GPC6: variants seen among roughly 807,000 people sequenced by gnomAD.
GPC6 encodes glypican-6.
In GPC6, 14 loss-of-function variants were observed where a neutral mutation model predicts 55.2. The observed-to-expected ratio is 0.25, with a 90% CI of 0.17 to 0.40. The LOEUF (loss-of-function observed/expected upper bound fraction) is 0.40, where lower values mean the gene tolerates loss of function less well. Among genes scored for constraint, GPC6 ranks in the 10% least tolerant of loss-of-function variants. The probability of loss-of-function intolerance (pLI) is 1.00; values close to 1 mark genes in which losing one functional copy is unlikely to be tolerated. For missense variants in GPC6, 641 were observed against 708.5 expected (o/e 0.90, Z 1.08); for synonymous variants, 278 against 259.6 (o/e 1.07, Z -0.68).
Position 93,545,391 on chromosome 13 carries a change from A to C in GPC6, c.289A>C (p.Thr97Pro). Residue 97 changes from threonine to proline, a missense_variant, in exon 2 of 9, where the codon ACT (threonine) becomes CCT (proline). Transcript: ENST00000377047. Reference protein sequence around the residue: ...VEETSHFVRTTFVSRHKKFDE... With the variant: ...VEETSHFVRTPFVSRHKKFDE... Reference sequence around the variant, plus strand: ...AGAGACAAGCCATTTTGTGCGCACCACTTTTGTGTCCAGGCATAAGAAATT... The same window carrying C: ...AGAGACAAGCCATTTTGTGCGCACCCCTTTTGTGTCCAGGCATAAGAAATT... 6.2e-7 allele frequency: 1 copy of C among 1,613,920 alleles called. No individual in the cohort carries two copies. Among genetic ancestry groups the C allele is most frequent in the East Asian group, 2.2e-5 (1 of 44,862 alleles).
At chr13:93,823,800 T>C (rs1887137622) in intron 2 of GPC6, among the ~76,000 whole-genome samples, 1 of 152,180 alleles carries the variant, frequency 6.6e-6, no homozygotes, top group African/African-American at 2.4e-5. Context: ...ATTCCTACTA[T>C]GAGATCACTT....
intron 3 of GPC6, among the ~76,000 whole-genome samples, chr13:93,971,304 T>C (rs1207010440): frequency 6.6e-6 from 1 of 152,240 alleles, no homozygotes; most frequent in East Asian, 1.9e-4. Flanking sequence ...TTATATTCTC[T>C]ATATAATAGG....
intron 6 of GPC6, among the ~76,000 whole-genome samples, chr13:94,331,308 T>G (rs997797460): frequency 6.6e-5 from 10 of 152,196 alleles, no homozygotes; most frequent in African/African-American, 2.4e-4. Context: ...GTCATCTCGA[T>G]AGAGACCCTA....
intron 1 of GPC6, among the ~76,000 whole-genome samples, chr13:93,323,509 T>C (rs930206623): frequency 1.3e-5 from 2 of 152,194 alleles, no homozygotes; most frequent in Non-Finnish European, 2.9e-5. Context: ...TATGCCTCAG[T>C]TGCCAGTTTT....
intron 2 of GPC6, among the ~76,000 whole-genome samples, chr13:93,594,039 A>G (rs1381201812): frequency 1.3e-5 from 2 of 152,194 alleles, no homozygotes; most frequent in African/African-American, 4.8e-5. Context: ...TGGCTTTTAT[A>G]TATAAGAAAT....
chr13:93,458,159 G>A (rs942634097), intron 1 of GPC6, among the ~76,000 whole-genome samples: 2 of 152,182 alleles, frequency 1.3e-5, no homozygotes, highest in African/African-American at 4.8e-5. Context: ...TTGTAGAAAG[G>A]AGAATCTTAA....
Position 93,495,079 on chromosome 13 carries a change from A to C in GPC6, c.161-50184A>C, listed in dbSNP as rs903747189. ...AATCTGAACGTTGGCCTGCCTTGCT[A>C]GATTGGGGAAGTTCTCCTGGATAAT... On this transcript the variant is annotated intron_variant, in intron 1 of 8. Transcript: ENST00000377047. Among the ~76,000 whole-genome samples the C allele has an allele frequency of 7.5e-4, 85 of 113,728 alleles. 1 individual carries two copies. Among genetic ancestry groups the C allele is most frequent in the African/African-American group, 2.8e-3 (83 of 30,142 alleles). 74.6% of individuals were successfully genotyped at this position (113,728 alleles called of 152,430 possible). A position where few individuals can be genotyped will look rare whatever the true frequency, so the allele number is the denominator to read the frequency against.
At chr13:93,985,155 C>G (rs1249221156) in intron 3 of GPC6, among the ~76,000 whole-genome samples, 2 of 152,126 alleles carry the variant, frequency 1.3e-5, no homozygotes, top group East Asian at 3.9e-4. Flanking sequence ...GAGGCCAGGG[C>G]CAGGCGCAGG....
chr13:93,477,650 T>C (rs1371516812), intron 1 of GPC6, among the ~76,000 whole-genome samples: 2 of 152,210 alleles, frequency 1.3e-5, no homozygotes, highest in Non-Finnish European at 1.5e-5. Flanking sequence ...AGAGCCATAT[T>C]TGAAAATGTG....
chr13:94,266,374 T>C (rs932268437), intron 4 of GPC6, among the ~76,000 whole-genome samples: 9 of 152,150 alleles, frequency 5.9e-5, no homozygotes, highest in Middle Eastern at 3.2e-3. Context: ...TTCACTGTGT[T>C]AGCCAGGATG....
intron 4 of GPC6, among the ~76,000 whole-genome samples, chr13:94,067,259 A>G (rs1884550449): frequency 1.3e-5 from 2 of 152,178 alleles, no homozygotes; most frequent in African/African-American, 2.4e-5. Context: ...ACTTATTCAT[A>G]CATCATAAAA....
intron 4 of GPC6, among the ~76,000 whole-genome samples, chr13:94,159,164 A>G (rs1038909769): frequency 2.0e-5 from 3 of 152,172 alleles, no homozygotes; most frequent in South Asian, 4.1e-4. Context: ...TTCCACATCA[A>G]CTACTTACTA....
At chr13:94,072,481 G>A (rs910490851) in intron 4 of GPC6, among the ~76,000 whole-genome samples, 3 of 152,126 alleles carry the variant, frequency 2.0e-5, no homozygotes, top group East Asian at 3.9e-4. Context: ...AGCCTGCCAA[G>A]TAGCTGGGAC....
At chr13:94,106,960 A>G (rs1204198517) in intron 4 of GPC6, among the ~76,000 whole-genome samples, 1 of 152,198 alleles carries the variant, frequency 6.6e-6, no homozygotes, top group Admixed American at 6.5e-5. Context: ...TTCCTCTAGA[A>G]ATGCCTAGTA....
chr13:93,943,642 G>C (rs1180262311), intron 3 of GPC6, among the ~76,000 whole-genome samples: 6 of 151,922 alleles, frequency 3.9e-5, no homozygotes, highest in African/African-American at 9.7e-5. Context: ...CCAATGTAAA[G>C]ATGGCTTCTT....
chr13:93,384,396 T>TA lies in GPC6; in HGVS notation c.160+156788dup, dbSNP rs57368591. 8.2e-3 allele frequency among the ~76,000 whole-genome samples: 1,240 copies of TA among 150,512 alleles called. 18 individuals carry two copies. The highest frequency in any genetic ancestry group is 0.043 in the East Asian group (219 of 5,128). On this transcript the variant is annotated intron_variant, in intron 1 of 8. Transcript: ENST00000377047. ...CAACCTGAAAACCGTTTTTTTTTTT[T>TA]AAAAAAAAGGCAAAACAAATTAATT... is the stretch of plus-strand genomic sequence containing the variant.
At chr13:93,721,689 T>C (rs1431131882) in intron 2 of GPC6, among the ~76,000 whole-genome samples, 1 of 151,808 alleles carries the variant, frequency 6.6e-6, no homozygotes, top group Non-Finnish European at 1.5e-5. Flanking sequence ...AATGTGGTTT[T>C]GATTTACTGC....
At chr13:93,858,270 A>G (rs534297901) in intron 3 of GPC6, among the ~76,000 whole-genome samples, 5 of 151,730 alleles carry the variant, frequency 3.3e-5, no homozygotes, top group Non-Finnish European at 7.4e-5. Context: ...ATAACATAAT[A>G]TTTCTACACT....
chr13:93,347,245 C>G (rs565345539), intron 1 of GPC6, among the ~76,000 whole-genome samples: 1 of 152,092 alleles, frequency 6.6e-6, no homozygotes, highest in Non-Finnish European at 1.5e-5. Context: ...ATGAAATAAA[C>G]GGTCTAAGTT....
Sources: gnomAD v4.1 joint callset for allele counts (sites outside exome capture counted in the v4.1 genomes callset) on GRCh38, gnomAD v4.1.1 for gene constraint, MANE v1.5 for transcripts, NCBI Gene and HGNC (gene_info 2026-07-23, HGNC 2026-07-21) for gene names.